The following CHRNA7 variants were observed in gnomAD, a reference collection of about 807,000 sequenced individuals.
CHRNA7 encodes cholinergic receptor nicotinic alpha 7 subunit, also known as neuronal acetylcholine receptor subunit alpha-7.
A neutral mutation model predicts 48.0 loss-of-function variants in CHRNA7; 17 were observed. That is an observed-to-expected ratio of 0.35 (90% CI 0.24 to 0.53). The LOEUF (loss-of-function observed/expected upper bound fraction) is 0.53, where lower values mean the gene tolerates loss of function less well. Among genes scored for constraint, CHRNA7 ranks in the 20% least tolerant of loss-of-function variants. CHRNA7 has a pLI of 0.92. For synonymous variants in CHRNA7, 75 were observed against 242.3 expected, an observed-to-expected ratio of 0.31 and a Z score of 6.41; for missense variants, 155 against 577.7, an observed-to-expected ratio of 0.27 and a Z score of 7.50.
At chr15:32,107,449 A>G (rs2050689536) in intron 3 of CHRNA7, among the ~76,000 whole-genome samples, 1 of 149,630 alleles carries the variant, frequency 6.7e-6, no homozygotes, top group Admixed American at 6.7e-5. Context: ...CTTATTTAAT[A>G]TATTTATAAA....
intron 4 of CHRNA7, among the ~76,000 whole-genome samples, chr15:32,116,318 A>G (rs2050870950): frequency 6.6e-6 from 1 of 152,188 alleles, no homozygotes; most frequent in African/African-American, 2.4e-5. Context: ...TCCATGCTTT[A>G]AAGTGGCTGG....
chr15:32,062,565 A>G (rs751018643), intron 2 of CHRNA7, among the ~76,000 whole-genome samples: 1 of 152,184 alleles, frequency 6.6e-6, no homozygotes, highest in South Asian at 2.1e-4. Context: ...GAAGCATTTT[A>G]TCCTCCTGCT....
chr15:32,097,802 G>A (rs2050497611), intron 2 of CHRNA7, among the ~76,000 whole-genome samples: 1 of 152,188 alleles, frequency 6.6e-6, no homozygotes, highest in Non-Finnish European at 1.5e-5. Context: ...GTTTGACTCG[G>A]GTGGCCTCCA....
chr15:32,054,249 G>A (rs1253804179), intron 2 of CHRNA7, among the ~76,000 whole-genome samples: 1 of 152,150 alleles, frequency 6.6e-6, no homozygotes. Flanking sequence ...TTAGGGTAAG[G>A]CTGCTCACTG....
chr15:32,099,537 A>T (rs1455573673), intron 2 of CHRNA7: 1 of 152,222 alleles, frequency 6.6e-6, no homozygotes, highest in Non-Finnish European at 1.5e-5. Context: ...CCTTTTAATT[A>T]GATTCGTAGT....
intron 4 of CHRNA7, among the ~76,000 whole-genome samples, chr15:32,152,186 G>C (rs1429414956): frequency 6.7e-6 from 1 of 150,374 alleles, no homozygotes; most frequent in Non-Finnish European, 1.5e-5. Flanking sequence ...GGCTCAGCCT[G>C]TAATCCTAGC....
chr15:32,059,251 G>A (rs145709992), intron 2 of CHRNA7, among the ~76,000 whole-genome samples: 72 of 152,184 alleles, frequency 4.7e-4, no homozygotes, highest in East Asian at 3.9e-4. Flanking sequence ...TGATGTGCCC[G>A]CCTTGGCCTT....
At position 32,136,807 on chromosome 15, in the gene CHRNA7, G is replaced by A. The variant is rs562251867; in HGVS notation, c.351-17100G>A. On this transcript the variant is annotated intron_variant, in intron 4 of 9. Coordinates refer to ENST00000306901, the MANE Select transcript of CHRNA7 (RefSeq NM_000746.6). Reference sequence around the variant, plus strand: ...GGCACTGTGGGAGGCCGGGGCGGGCGGATCACGAGGTCAGGAGATCGAGAC... The same window carrying A: ...GGCACTGTGGGAGGCCGGGGCGGGCAGATCACGAGGTCAGGAGATCGAGAC... 4.0e-4 allele frequency among the ~76,000 whole-genome samples: 60 copies of A among 151,668 alleles called. 1 individual carries two copies. Among genetic ancestry groups the A allele is most frequent in the African/African-American group, 8.5e-4 (35 of 41,260 alleles).
intron 4 of CHRNA7, among the ~76,000 whole-genome samples, chr15:32,150,523 A>G (rs532780572): frequency 1.1e-4 from 16 of 152,334 alleles, no homozygotes; most frequent in African/African-American, 3.6e-4. Flanking sequence ...TAAGAGATTC[A>G]AATGCGTGCA....
chr15:32,082,130 G>T (rs1027534698), intron 2 of CHRNA7, among the ~76,000 whole-genome samples: 1 of 151,976 alleles, frequency 6.6e-6, no homozygotes, highest in East Asian at 1.9e-4. Flanking sequence ...TGTTTTTAAG[G>T]TGTTTGTGTG....
At chr15:32,032,893 TAAG>T (rs1901911946) in intron 2 of CHRNA7, among the ~76,000 whole-genome samples, 1 of 152,188 alleles carries the variant, frequency 6.6e-6, no homozygotes, top group African/African-American at 2.4e-5. Context: ...AAGAGACTCT[TAAG>T]AAACCAAGTT....
At chr15:32,062,126 G>C (rs1024808143) in intron 2 of CHRNA7, among the ~76,000 whole-genome samples, 3 of 151,886 alleles carry the variant, frequency 2.0e-5, no homozygotes, top group Non-Finnish European at 4.4e-5. Flanking sequence ...TGAGATTTAC[G>C]TGCATATCTT....
rs146248753 is a variant in CHRNA7 at position 32,048,407 on chromosome 15, A to G, written c.195+17370A>G. Among the ~76,000 whole-genome samples the G allele has an allele frequency of 7.5e-3, 1,136 of 152,224 alleles. 12 individuals carry two copies. The highest frequency in any genetic ancestry group is 0.025 in the African/African-American group (1,048 of 41,530). ...TCCTGGTTTAGTTTTGGGAGAGTGT[A>G]TGTGTCGAGGAATTTACCATTTCTT... On this transcript the variant is annotated intron_variant, in intron 2 of 9. Coordinates refer to ENST00000306901, the MANE Select transcript of CHRNA7 (RefSeq NM_000746.6).
At chr15:32,062,504 C>T (rs1016160572) in intron 2 of CHRNA7, among the ~76,000 whole-genome samples, 1 of 152,242 alleles carries the variant, frequency 6.6e-6, no homozygotes, top group African/African-American at 2.4e-5. Context: ...TTTCTCTCCC[C>T]ATGTTCAGAC....
chr15:32,067,517 C>T (rs1387951527), intron 2 of CHRNA7, among the ~76,000 whole-genome samples: 1 of 152,106 alleles, frequency 6.6e-6, no homozygotes, highest in Non-Finnish European at 1.5e-5. Context: ...CAAGAAAATA[C>T]TGAAGAGTAC....
At chr15:32,045,485 T>C (rs2049524330) in intron 2 of CHRNA7, among the ~76,000 whole-genome samples, 1 of 152,110 alleles carries the variant, frequency 6.6e-6, no homozygotes, top group African/African-American at 2.4e-5. Context: ...TTCTTGCATA[T>C]ACATTCTAGG....
chr15:32,053,951 G>C (rs115236492), intron 2 of CHRNA7, among the ~76,000 whole-genome samples: 1,941 of 152,282 alleles, frequency 0.013, 36 homozygotes, highest in African/African-American at 0.044. Context: ...AATGCCACCT[G>C]TGAGAGATTC....
chr15:32,128,616 G>C (rs1015853013), intron 4 of CHRNA7, among the ~76,000 whole-genome samples: 26 of 151,448 alleles, frequency 1.7e-4, no homozygotes, highest in African/African-American at 6.3e-4. Context: ...TTCTGACCTT[G>C]CTGAACTTAC....
rs555449164 is a variant in CHRNA7 at position 32,030,540 on chromosome 15, C to G, written c.-55C>G. The G allele has an allele frequency of 1.1e-5, 15 of 1,406,560 alleles. No individual in the cohort carries two copies. Among genetic ancestry groups the G allele is most frequent in the South Asian group, 4.6e-5 (3 of 65,114 alleles). The allele number at this position is 1,406,560 out of a possible 1,614,324, so 87.1% of individuals were successfully genotyped here. ...GCCTCTGTGGCCGCAGGCGCAGGCC[C>G]GGGCGACAGCCGAGACGTGGAGCGC... On this transcript the variant is annotated 5_prime_UTR_variant, in exon 1 of 10. Transcript: ENST00000306901.
Sources: gnomAD v4.1 joint callset for allele counts (sites outside exome capture counted in the v4.1 genomes callset) on GRCh38, gnomAD v4.1.1 for gene constraint, MANE v1.5 for transcripts, NCBI Gene and HGNC (gene_info 2026-07-23, HGNC 2026-07-21) for gene names.